NOB1: variants seen among roughly 807,000 people sequenced by gnomAD.
NOB1 encodes NIN1 (RPN12) binding protein 1 homolog.
NOB1 carries 44 observed loss-of-function variants against 44.8 expected under a neutral mutation model. The observed-to-expected ratio is 0.98, with a 90% confidence interval of 0.77 to 1.26. NOB1 has a LOEUF of 1.26. NOB1 is among the 50% of genes most tolerant of loss of function. The pLI, the probability that NOB1 is intolerant of heterozygous loss-of-function variation, is 0.00. For synonymous variants in NOB1, 238 were observed against 218.7 expected, an observed-to-expected ratio of 1.09 and a Z score of -0.78; for missense variants, 560 against 544.8, an observed-to-expected ratio of 1.03 and a Z score of -0.28.
intron 7 of NOB1, among the ~76,000 whole-genome samples, chr16:69,746,952 G>T (rs769200806): frequency 6.6e-6 from 1 of 151,934 alleles, no homozygotes; most frequent in Non-Finnish European, 1.5e-5. Flanking sequence ...GGCCAGGCGC[G>T]GTGGCTCATG....
At chr16:69,744,468 C>T (rs977284805) in intron 8 of NOB1, among the ~76,000 whole-genome samples, 2 of 152,208 alleles carry the variant, frequency 1.3e-5, no homozygotes, top group African/African-American at 4.8e-5. Flanking sequence ...CTCATTCGTC[C>T]TCCAATCCTT....
At chr16:69,751,500 G>A (rs7203685) in intron 3 of NOB1, among the ~76,000 whole-genome samples, 2 of 151,816 alleles carry the variant, frequency 1.3e-5, no homozygotes. Flanking sequence ...GACCCTGGAT[G>A]AAAGAGGGAA....
intron 4 of NOB1, 65 bp from the exon 5 acceptor site, chr16:69,749,403 A>G (rs2038463386): frequency 6.4e-7 from 1 of 1,572,884 alleles, no homozygotes. Flanking sequence ...CAGGTCACAG[A>G]TGAAATCACA....
chr16:69,744,744 C>T (rs759899893), intron 8 of NOB1, 129 bp downstream of exon 8: 16 of 1,046,242 alleles, frequency 1.5e-5, no homozygotes, highest in East Asian at 2.6e-5. Context: ...CTCCCCACTC[C>T]GTCTTGGTAC....
chr16:69,746,724 A>G (rs1597615572), intron 7 of NOB1, among the ~76,000 whole-genome samples: 1 of 152,094 alleles, frequency 6.6e-6, no homozygotes, highest in East Asian at 1.9e-4. Context: ...TAGCCAACAC[A>G]GTGAAACCCT....
At chr16:69,745,130 G>T in intron 7 of NOB1, 113 bp from the exon 8 acceptor site, 2 of 1,069,442 alleles carry the variant, frequency 1.9e-6, no homozygotes, top group Non-Finnish European at 2.7e-6. Context: ...GGGCTGAACC[G>T]CACCACACAT....
At chr16:69,752,182 T>C in intron 3 of NOB1, 59 bp downstream of exon 3, 1 of 1,546,322 alleles carries the variant, frequency 6.5e-7, no homozygotes, top group South Asian at 1.1e-5. Flanking sequence ...CCTTCTACTT[T>C]TGTATACCTG....
At chr16:69,745,131 C>T (rs1177758693) in intron 7 of NOB1, 114 bp from the exon 8 acceptor site, 3 of 1,065,782 alleles carry the variant, frequency 2.8e-6, no homozygotes, top group African/African-American at 3.1e-5. Flanking sequence ...GGCTGAACCG[C>T]ACCACACATG....
chr16:69,753,666 G>A (rs1208530945), intron 2 of NOB1, among the ~76,000 whole-genome samples: 1 of 152,160 alleles, frequency 6.6e-6, no homozygotes, highest in Non-Finnish European at 1.5e-5. Context: ...CACAAACAGA[G>A]GAGGTAACAT....
chr16:69,751,139 G>A (rs1251366532), intron 3 of NOB1, among the ~76,000 whole-genome samples: 3 of 152,010 alleles, frequency 2.0e-5, no homozygotes, highest in African/African-American at 2.4e-5. Flanking sequence ...AGGCTGAAGT[G>A]CAGTGGTATG....
chr16:69,754,663 G>C lies in NOB1; in HGVS notation c.127C>G (p.Arg43Gly), dbSNP rs757218713. Residue 43 changes from arginine to glycine, a missense_variant, in exon 2 of 9, where the codon CGC becomes GGC. Transcript: ENST00000268802. ...VVTEIRDKAT[R>G]RRLAVLPYEL... is the part of the protein sequence containing the mutation. ...TAGGGCAGGACAGCGAGCCGCCTGC[G>C]TGTGGCCTTGTCCCGAATCTCAGTG... 6.2e-7 allele frequency: 1 copy of C among 1,614,068 alleles called. No individual in the cohort carries two copies. Among genetic ancestry groups the C allele is most frequent in the Non-Finnish European group, 8.5e-7 (1 of 1,180,054 alleles).
intron 3 of NOB1, among the ~76,000 whole-genome samples, chr16:69,750,939 A>T (rs2038477485): frequency 6.6e-6 from 1 of 152,230 alleles, no homozygotes; most frequent in African/African-American, 2.4e-5. Flanking sequence ...TTAGAAATAG[A>T]CAATGGGTGC....
intron 2 of NOB1, among the ~76,000 whole-genome samples, chr16:69,753,162 C>T (rs2038496928): frequency 6.6e-6 from 1 of 152,018 alleles, no homozygotes; most frequent in Non-Finnish European, 1.5e-5. Flanking sequence ...GTGGAGGCTG[C>T]AGTGAGCCAA....
chr16:69,749,498 T>TA (rs1167847351), intron 4 of NOB1, 61 bp downstream of exon 4: 2 of 1,554,116 alleles, frequency 1.3e-6, no homozygotes, highest in Non-Finnish European at 1.8e-6. Flanking sequence ...AGAGATGACT[T>TA]AGAGAGATGT....
chr16:69,748,390 G>A, intron 6 of NOB1, 61 bp from the exon 7 acceptor site: 1 of 1,498,326 alleles, frequency 6.7e-7, no homozygotes, highest in Non-Finnish European at 9.2e-7. Flanking sequence ...TGTAATTACA[G>A]TTAAGGGAAC....
In NOB1 at chr16:69,754,872, A is replaced by T; in HGVS notation, c.39T>A (p.Ala13=). The stretch of plus-strand genomic sequence containing the variant: ...CCTGCAGAGCCGCATGCCGCAGGAA[A>T]GCCCCAGCATCCGCCACAACGTGCT... ...PVEHVVADAG[A]FLRHAALQDI... Residue 13 remains alanine (A), a synonymous_variant, in exon 1 of 9, where the codon GCT becomes GCA. Transcript: ENST00000268802. The T allele has an allele frequency of 1.3e-6, 2 of 1,597,720 alleles. No homozygotes were observed. Among genetic ancestry groups the T allele is most frequent in the South Asian group, 1.1e-5 (1 of 89,380 alleles).
intron 3 of NOB1, among the ~76,000 whole-genome samples, chr16:69,751,409 C>T (rs1355522365): frequency 6.6e-6 from 1 of 150,774 alleles, no homozygotes; most frequent in African/African-American, 2.4e-5. Context: ...ACCTACAGAT[C>T]AAAAGAGACT....
chr16:69,744,769 T>C (rs2038414766), intron 8 of NOB1, 104 bp downstream of exon 8: 5 of 1,346,242 alleles, frequency 3.7e-6, no homozygotes, highest in Admixed American at 4.3e-5. Flanking sequence ...GTCACAGGCT[T>C]TCAATCGCCC....
intron 8 of NOB1, 115 bp downstream of exon 8, chr16:69,744,758 G>A (rs1199035943): frequency 3.3e-6 from 4 of 1,212,482 alleles, no homozygotes; most frequent in African/African-American, 3.0e-5. Flanking sequence ...TTGGTACCTA[G>A]GTCACAGGCT....
Sources: gnomAD v4.1 joint callset for allele counts (sites outside exome capture counted in the v4.1 genomes callset) on GRCh38, gnomAD v4.1.1 for gene constraint, MANE v1.5 for transcripts, NCBI Gene and HGNC (gene_info 2026-07-23, HGNC 2026-07-21) for gene names.